DYNC2LI1: variants seen among roughly 807,000 people sequenced by gnomAD.
The protein encoded by DYNC2LI1 is cytoplasmic dynein 2 light intermediate chain 1.
Under a neutral mutation model 51.9 loss-of-function variants are expected in DYNC2LI1, and 45 were observed. The ratio of observed to expected loss-of-function variants is 0.87; its 90% CI spans 0.68 to 1.11. The LOEUF (loss-of-function observed/expected upper bound fraction) is 1.11, where lower values mean the gene tolerates loss of function less well. Ranked by LOEUF, DYNC2LI1 falls within the 50% of genes most tolerant of loss-of-function variation. The pLI is 0.00. For missense variants in DYNC2LI1, 490 were observed against 417.4 expected (o/e 1.17, Z -1.51); for synonymous variants, 130 against 137.8 (o/e 0.94, Z 0.40).
At chr2:43,819,962 C>G in the DYNC2LI1 span, 8 of 1,614,002 alleles carry the variant, frequency 5.0e-6, no homozygotes, top group Non-Finnish European at 6.8e-6. Context: ...ACAGCAGAGC[C>G]ACTACACTGT....
In DYNC2LI1 at chr2:43,794,454, T is replaced by C. The variant is rs1673937070; in HGVS notation, c.321-3T>C. ...TTTTTGAAAAGTGTTTTTATTTCTTTAGGACGTTTTCTCTTGTTCTCGTTC... is the reference window on the plus strand; with the variant it reads ...TTTTTGAAAAGTGTTTTTATTTCTTCAGGACGTTTTCTCTTGTTCTCGTTC... On this transcript the variant is annotated splice_polypyrimidine_tract_variant and splice_region_variant and intron_variant, in intron 5 of 12. Coordinates refer to ENST00000260605, the MANE Select transcript of DYNC2LI1 (RefSeq NM_016008.4). 6.2e-7 allele frequency: 1 copy of C among 1,601,222 alleles called. No individual in the cohort carries two copies. Among genetic ancestry groups the C allele is most frequent in the Non-Finnish European group, 8.5e-7 (1 of 1,174,092 alleles).
At chr2:43,784,715 TG>T (rs1673441388) in intron 3 of DYNC2LI1, among the ~76,000 whole-genome samples, 1 of 152,172 alleles carries the variant, frequency 6.6e-6, no homozygotes, top group African/African-American at 2.4e-5. Flanking sequence ...AATCCAGGTG[TG>T]AGCCACCACG....
intron 3 of DYNC2LI1, among the ~76,000 whole-genome samples, chr2:43,785,715 T>A (rs1673495291): frequency 1.3e-5 from 2 of 150,442 alleles, no homozygotes; most frequent in Admixed American, 6.6e-5. Flanking sequence ...AATAAATAAA[T>A]AAAATAAAAT....
intron 12 of DYNC2LI1, among the ~76,000 whole-genome samples, chr2:43,806,719 G>A (rs973248225): frequency 1.3e-5 from 2 of 151,960 alleles, no homozygotes; most frequent in Admixed American, 6.6e-5. Flanking sequence ...AAAGGATTAG[G>A]GTATTTGTGA....
the DYNC2LI1 span, among the ~76,000 whole-genome samples, chr2:43,821,745 T>C: frequency 1.3e-5 from 2 of 152,178 alleles, no homozygotes; most frequent in African/African-American, 4.8e-5. Context: ...ATGACTGATA[T>C]AAACCTCTAC....
intron 4 of DYNC2LI1, 90 bp from the exon 5 acceptor site, chr2:43,789,543 A>G (rs1370019809): frequency 1.3e-5 from 15 of 1,118,302 alleles, no homozygotes; most frequent in Admixed American, 4.3e-5. Context: ...AAGGACTGCA[A>G]TATTTTGTAT....
chr2:43,778,009 T>C (rs1488367002), intron 2 of DYNC2LI1, among the ~76,000 whole-genome samples: 1 of 152,226 alleles, frequency 6.6e-6, no homozygotes, highest in Non-Finnish European at 1.5e-5. Context: ...AATCACTTAA[T>C]GTTTTTATTT....
chr2:43,780,740 A>G (rs929756668), intron 2 of DYNC2LI1, among the ~76,000 whole-genome samples: 1 of 152,130 alleles, frequency 6.6e-6, no homozygotes, highest in Non-Finnish European at 1.5e-5. Context: ...GGCCAGATTA[A>G]GGGATGTTTA....
chr2:43,805,354 C>G, intron 12 of DYNC2LI1, 108 bp downstream of exon 12: 1 of 583,202 alleles, frequency 1.7e-6, no homozygotes. Context: ...AGAGTATCTT[C>G]TTTACTATTA....
intron 8 of DYNC2LI1, 26 bp from the exon 9 acceptor site, chr2:43,800,815 A>T (rs1325586560): frequency 7.5e-7 from 1 of 1,336,152 alleles, no homozygotes; most frequent in Non-Finnish European, 1.0e-6. Flanking sequence ...TAGAGCATGT[A>T]ATTTGTTCTC....
At chr2:43,806,892 C>A (rs17031630) in intron 12 of DYNC2LI1, among the ~76,000 whole-genome samples, 1 of 151,946 alleles carries the variant, frequency 6.6e-6, no homozygotes, top group Non-Finnish European at 1.5e-5. Flanking sequence ...TCTCTTGGTT[C>A]GAGATTTTTT....
the DYNC2LI1 span, chr2:43,822,585 T>C: frequency 1.0e-6 from 1 of 985,272 alleles, no homozygotes; most frequent in Non-Finnish European, 1.2e-6. Flanking sequence ...TGTCATCTTG[T>C]TGGTTTGTTC....
chr2:43,824,839 G>A, the DYNC2LI1 span: 3 of 1,608,222 alleles, frequency 1.9e-6, no homozygotes, highest in Non-Finnish European at 1.7e-6. Flanking sequence ...AGTCTGAGAT[G>A]AGAAAGTTTA....
At position 43,796,715 on chromosome 2, in the gene DYNC2LI1, C is replaced by A; in HGVS notation, c.577-3C>A. 1 of 1,606,746 alleles carries A rather than the reference C, an allele frequency of 6.2e-7. No homozygotes were observed. Among genetic ancestry groups the A allele is most frequent in the Non-Finnish European group, 8.5e-7 (1 of 1,173,996 alleles). On this transcript the variant is annotated splice_polypyrimidine_tract_variant and splice_region_variant and intron_variant, in intron 7 of 12. Transcript: ENST00000260605. ...GACTTTTTAAAATAACATATTTCTA[C>A]AGGATTTTGAGTCTGAGAAGAGAAA...
chr2:43,779,628 G>A (rs953692468), intron 2 of DYNC2LI1, among the ~76,000 whole-genome samples: 14 of 152,350 alleles, frequency 9.2e-5, no homozygotes, highest in African/African-American at 3.4e-4. Flanking sequence ...AAAGTTGGGA[G>A]ACTAGGAAAG....
At chr2:43,804,198 T>C (rs1666164002) in intron 10 of DYNC2LI1, among the ~76,000 whole-genome samples, 1 of 152,218 alleles carries the variant, frequency 6.6e-6, no homozygotes, top group African/African-American at 2.4e-5. Context: ...TGGATAGTGT[T>C]ACAGAGCATG....
intron 1 of DYNC2LI1, 103 bp from the exon 2 acceptor site, chr2:43,776,679 T>C: frequency 1.7e-6 from 1 of 573,300 alleles, no homozygotes; most frequent in Non-Finnish European, 3.1e-6. Context: ...ATAATGTTCA[T>C]TTGTTTCATA....
chr2:43,816,389 C>T, the DYNC2LI1 span, among the ~76,000 whole-genome samples: 3 of 152,170 alleles, frequency 2.0e-5, no homozygotes, highest in East Asian at 1.9e-4. Context: ...AAAGAGAGTG[C>T]GCCTCTAGCC....
the DYNC2LI1 span, among the ~76,000 whole-genome samples, chr2:43,816,688 C>T: frequency 6.6e-6 from 1 of 152,122 alleles, no homozygotes. Flanking sequence ...AAATTACAGG[C>T]ACGTGACACC....
Sources: gnomAD v4.1 joint callset for allele counts (sites outside exome capture counted in the v4.1 genomes callset) on GRCh38, gnomAD v4.1.1 for gene constraint, MANE v1.5 for transcripts, NCBI Gene and HGNC (gene_info 2026-07-23, HGNC 2026-07-21) for gene names.